NFIA: variants seen among roughly 807,000 people sequenced by gnomAD.
The protein encoded by NFIA is nuclear factor I A.
Under a neutral mutation model 62.8 loss-of-function variants are expected in NFIA, and 8 were observed. The ratio of observed to expected loss-of-function variants is 0.13; its 90% CI spans 0.07 to 0.23. The LOEUF is 0.23. Among genes scored for constraint, NFIA ranks in the 10% least tolerant of loss-of-function variants. The pLI is 1.00. For missense variants in NFIA, 410 were observed against 642.1 expected, an observed-to-expected ratio of 0.64 and a Z score of 3.91; for synonymous variants, 235 against 238.1, an observed-to-expected ratio of 0.99 and a Z score of 0.12.
intron 2 of NFIA, among the ~76,000 whole-genome samples, chr1:61,266,079 G>C (rs1657144198): frequency 6.6e-6 from 1 of 152,150 alleles, no homozygotes; most frequent in South Asian, 2.1e-4. Flanking sequence ...ATGTAGAAAG[G>C]CTGGAAAGAA....
intron 4 of NFIA, among the ~76,000 whole-genome samples, chr1:61,348,702 T>C (rs779604341): frequency 6.6e-5 from 10 of 152,202 alleles, no homozygotes; most frequent in Non-Finnish European, 1.3e-4. Context: ...AGATAAAGTA[T>C]TAAATTTAAG....
At chr1:61,117,763 G>A (rs1259183235) in intron 2 of NFIA, among the ~76,000 whole-genome samples, 1 of 152,162 alleles carries the variant, frequency 6.6e-6, no homozygotes, top group East Asian at 1.9e-4. Flanking sequence ...CACCTGCTGG[G>A]TACAAGGCTT....
At chr1:61,218,272 G>A (rs1457789163) in intron 2 of NFIA, among the ~76,000 whole-genome samples, 1 of 152,202 alleles carries the variant, frequency 6.6e-6, no homozygotes, top group Non-Finnish European at 1.5e-5. Context: ...AAGCTTTGGG[G>A]ATCTTCTAAT....
intron 2 of NFIA, among the ~76,000 whole-genome samples, chr1:61,146,358 C>T (rs997091264): frequency 6.6e-6 from 1 of 151,966 alleles, no homozygotes; most frequent in African/African-American, 2.4e-5. Context: ...ATTGTTCGGC[C>T]GATCATACCT....
chr1:61,347,485 T>G (rs964269111), intron 4 of NFIA, among the ~76,000 whole-genome samples: 2 of 152,160 alleles, frequency 1.3e-5, no homozygotes, highest in African/African-American at 4.8e-5. Context: ...CTTTGCTTCT[T>G]ATCTCCAAAC....
intron 2 of NFIA, among the ~76,000 whole-genome samples, chr1:61,259,937 T>TG (rs1198056213): frequency 6.6e-6 from 1 of 152,176 alleles, no homozygotes; most frequent in East Asian, 1.9e-4. Context: ...TAATTAAACT[T>TG]GCAGTGCCTG....
chr1:61,320,800 T>C (rs1660641743), intron 3 of NFIA, among the ~76,000 whole-genome samples: 1 of 152,218 alleles, frequency 6.6e-6, no homozygotes, highest in Non-Finnish European at 1.5e-5. Context: ...GATTTTTTGC[T>C]GTTTAACGTC....
chr1:61,236,171 A>G (rs916761040), intron 2 of NFIA, among the ~76,000 whole-genome samples: 7 of 151,494 alleles, frequency 4.6e-5, no homozygotes, highest in Admixed American at 1.3e-4. Context: ...AAAAAAAAAA[A>G]GGTGGAAAGA....
At chr1:61,138,575 T>C (rs1183290378) in intron 2 of NFIA, among the ~76,000 whole-genome samples, 1 of 151,522 alleles carries the variant, frequency 6.6e-6, no homozygotes, top group Non-Finnish European at 1.5e-5. Flanking sequence ...GTTTATTTAT[T>C]TATTTATTTA....
At chr1:61,306,364 C>A (rs564659783) in intron 3 of NFIA, among the ~76,000 whole-genome samples, 13 of 146,352 alleles carry the variant, frequency 8.9e-5, no homozygotes, top group African/African-American at 3.0e-4. Context: ...CAACCTCCCC[C>A]TCCTGGGTTC....
chr1:61,083,603 G>A (rs1346565514), intron 1 of NFIA, among the ~76,000 whole-genome samples: 1 of 151,690 alleles, frequency 6.6e-6, no homozygotes. Flanking sequence ...TGGCCCGTTG[G>A]CTCTCCCGGA....
intron 2 of NFIA, among the ~76,000 whole-genome samples, chr1:61,199,149 T>C (rs1652240040): frequency 6.6e-6 from 1 of 152,266 alleles, no homozygotes; most frequent in Non-Finnish European, 1.5e-5. Context: ...CAGTGGTTCA[T>C]ACAGATCACT....
rs200361835 is a variant in NFIA at position 61,329,737 on chromosome 1, T to C, written c.626-2775T>C. On this transcript the variant is annotated intron_variant, in intron 3 of 10. Transcript: ENST00000403491. ...AGGTGGGAACTGTATCTTGTGCCCCTAGCATGATGCATGGCACATAGTAGG... is the reference window on the plus strand; with the variant it reads ...AGGTGGGAACTGTATCTTGTGCCCCCAGCATGATGCATGGCACATAGTAGG... 3.9e-5 allele frequency among the ~76,000 whole-genome samples: 6 copies of C among 152,316 alleles called. No individual in the cohort carries two copies. The East Asian group carries it at 1.2e-3, about 29-fold the overall frequency.
chr1:61,286,601 C>G (rs1455405652), intron 3 of NFIA, among the ~76,000 whole-genome samples: 2 of 152,148 alleles, frequency 1.3e-5, no homozygotes, highest in Non-Finnish European at 2.9e-5. Flanking sequence ...CAAATACACT[C>G]TAAGAACCAG....
chr1:61,239,402 A>C (rs150312698), intron 2 of NFIA, among the ~76,000 whole-genome samples: 42 of 152,312 alleles, frequency 2.8e-4, no homozygotes, highest in African/African-American at 9.1e-4. Context: ...AGTCTTTTCT[A>C]TGAAATCTCG....
intron 2 of NFIA, among the ~76,000 whole-genome samples, chr1:61,222,699 A>G (rs1185560625): frequency 6.6e-6 from 1 of 152,086 alleles, no homozygotes; most frequent in African/African-American, 2.4e-5. Flanking sequence ...ATAGAACTTT[A>G]AAAATGTGAT....
chr1:61,118,630 G>C (rs1449184195), intron 2 of NFIA, among the ~76,000 whole-genome samples: 1 of 151,750 alleles, frequency 6.6e-6, no homozygotes, highest in Non-Finnish European at 1.5e-5. Context: ...GTAAGGAGAA[G>C]ACCAAGTGCA....
intron 2 of NFIA, among the ~76,000 whole-genome samples, chr1:61,193,728 GA>G (rs1369650439): frequency 2.0e-5 from 3 of 152,160 alleles, no homozygotes; most frequent in Admixed American, 6.5e-5. Flanking sequence ...CTAGGTCCTA[GA>G]AATAAAATTC....
chr1:61,410,368 C>G (rs1666042269), intron 9 of NFIA, among the ~76,000 whole-genome samples: 1 of 152,140 alleles, frequency 6.6e-6, no homozygotes, highest in Admixed American at 6.5e-5. Flanking sequence ...TTTCAGAAAT[C>G]AGGTGCTTTC....
Sources: gnomAD v4.1 joint callset for allele counts (sites outside exome capture counted in the v4.1 genomes callset) on GRCh38, gnomAD v4.1.1 for gene constraint, MANE v1.5 for transcripts, NCBI Gene and HGNC (gene_info 2026-07-23, HGNC 2026-07-21) for gene names.